The following PSMB3 variants were observed in gnomAD, a reference collection of about 807,000 sequenced individuals.
PSMB3 encodes proteasome subunit beta type-3.
Under a neutral mutation model 23.3 loss-of-function variants are expected in PSMB3, and 5 were observed. The ratio of observed to expected loss-of-function variants is 0.21; its 90% CI spans 0.11 to 0.45. PSMB3 has a LOEUF of 0.45. Ranked by LOEUF, PSMB3 falls within the 20% of genes least tolerant of loss-of-function variation. PSMB3 has a pLI of 0.99. For missense variants in PSMB3, 192 were observed against 277.9 expected (o/e 0.69, Z 2.20); for synonymous variants, 85 against 99.8 (o/e 0.85, Z 0.88).
At chr17:38,762,289 T>G in intron 4 of PSMB3, 122 bp from the exon 5 acceptor site, 1 of 779,208 alleles carries the variant, frequency 1.3e-6, no homozygotes, top group South Asian at 1.7e-5. Flanking sequence ...GAATCATCCC[T>G]TACTTCAGGC....
Position 38,760,623 on chromosome 17 carries a change from T to A in PSMB3, c.474+15T>A, listed in dbSNP as rs780681346. The stretch of plus-strand genomic sequence containing the variant: ...AGCCCAACATGGTACGTTGGTGGCA[T>A]GGAGAGGGGCTGGGCTCTGAGTTAC... On this transcript the variant is annotated intron_variant, in intron 4 of 5. Transcript: ENST00000619426. The A allele has an allele frequency of 6.2e-7, 1 of 1,614,092 alleles. No individual in the cohort carries two copies. The highest frequency in any genetic ancestry group is 1.1e-5 in the South Asian group (1 of 91,080).
intron 3 of PSMB3, among the ~76,000 whole-genome samples, chr17:38,756,353 T>G (rs1908193661): frequency 6.6e-6 from 1 of 152,166 alleles, no homozygotes; most frequent in Admixed American, 6.5e-5. Flanking sequence ...TTTTCGTCAG[T>G]TCTCCTTGAG....
intron 2 of PSMB3, among the ~76,000 whole-genome samples, chr17:38,754,060 G>A (rs1908053330): frequency 7.0e-6 from 1 of 142,792 alleles, no homozygotes; most frequent in Non-Finnish European, 1.5e-5. Flanking sequence ...GGAATACGTG[G>A]TCACAGGGGG....
intron 3 of PSMB3, among the ~76,000 whole-genome samples, chr17:38,758,798 G>A (rs1908316570): frequency 6.6e-6 from 1 of 152,344 alleles, no homozygotes; most frequent in East Asian, 1.9e-4. Flanking sequence ...TGTAATCCCA[G>A]CACTTTGGGA....
chr17:38,760,057 G>A (rs1323785836), intron 3 of PSMB3, among the ~76,000 whole-genome samples: 1 of 152,134 alleles, frequency 6.6e-6, no homozygotes, highest in African/African-American at 2.4e-5. Context: ...CATATAAACT[G>A]CCTCCAATCT....
chr17:38,760,422 C>T lies in PSMB3; in HGVS notation c.297-9C>T. The stretch of plus-strand genomic sequence containing the variant: ...TTCTGGTTTCTCTCTCTGATGCTGG[C>T]CCCCACAGGTTTGGCCCTTACTACA... On this transcript the variant is annotated splice_polypyrimidine_tract_variant and intron_variant, in intron 3 of 5. Coordinates refer to ENST00000619426, the MANE Select transcript of PSMB3 (RefSeq NM_002795.4). The T allele has an allele frequency of 1.2e-6, 2 of 1,612,536 alleles. No individual in the cohort carries two copies. The highest frequency in any genetic ancestry group is 1.1e-5 in the South Asian group (1 of 90,916).
At chr17:38,764,080 T>G (rs1908574464) in intron 5 of PSMB3, 39 bp from the exon 6 acceptor site, 1 of 1,613,342 alleles carries the variant, frequency 6.2e-7, no homozygotes, top group East Asian at 2.2e-5. Flanking sequence ...ACGGTCCAGA[T>G]GGGTAGAGAT....
intron 3 of PSMB3, among the ~76,000 whole-genome samples, chr17:38,758,784 C>T (rs992211415): frequency 2.0e-5 from 3 of 152,192 alleles, no homozygotes; most frequent in South Asian, 2.1e-4. Context: ...CATTGGCTCA[C>T]GCCTGTAATC....
chr17:38,758,976 G>A (rs2143236389), intron 3 of PSMB3, among the ~76,000 whole-genome samples: 2 of 152,272 alleles, frequency 1.3e-5, no homozygotes, highest in Admixed American at 1.3e-4. Context: ...AACCCAGGAG[G>A]CAGAGCTTGC....
At chr17:38,753,483 C>CTTTT in intron 2 of PSMB3, 149 bp downstream of exon 2, 1 of 637,016 alleles carries the variant, frequency 1.6e-6, no homozygotes, top group Non-Finnish European at 2.5e-6. Flanking sequence ...CCTTCCCTTT[C>CTTTT]TTTTTTTTTT....
chr17:38,752,901 G>A lies in PSMB3; in HGVS notation c.3+72G>A. 6.3e-7 allele frequency: 1 copy of A among 1,595,036 alleles called. No homozygotes were observed. The highest frequency in any genetic ancestry group is 8.6e-7 in the Non-Finnish European group (1 of 1,166,098). ...GCGGAGGGGGTCAGGAGAGGCTTGG[G>A]GACGAAAAGGGCCTAGGGTCGATGG... On this transcript the variant is annotated intron_variant, in intron 1 of 5. Transcript: ENST00000619426. The surrounding 1 kb of genome is among the most constrained non-coding windows in gnomAD (Gnocchi z 5.5).
chr17:38,755,715 T>TGC lies in PSMB3; in HGVS notation c.189-167_189-166dup, dbSNP rs58013738. On this transcript the variant is annotated intron_variant, in intron 2 of 5. Transcript: ENST00000619426. Reference sequence around the variant, plus strand: ...GTGTGTGTGTGTGTGTGTGTGTGTGTGCTGCCAAAGCAAGCACCAGTTGCT... The same window carrying TGC: ...GTGTGTGTGTGTGTGTGTGTGTGTGTGCGCTGCCAAAGCAAGCACCAGTTGCT... 7.4e-3 allele frequency among the ~76,000 whole-genome samples: 1,018 copies of TGC among 138,356 alleles called. 8 individuals carry two copies. Among genetic ancestry groups the TGC allele is most frequent in the African/African-American group, 0.013 (457 of 35,492 alleles). The allele number at this position is 138,356 out of a possible 152,430, so 90.8% of individuals were successfully genotyped here. A position where few individuals can be genotyped will look rare whatever the true frequency, so the allele number is the denominator to read the frequency against.
intron 3 of PSMB3, among the ~76,000 whole-genome samples, chr17:38,759,309 T>C (rs986975596): frequency 6.6e-6 from 1 of 152,200 alleles, no homozygotes. Context: ...CCTCTGGTGA[T>C]TGTGTGGCTG....
chr17:38,755,672 A>ATGTGTG (rs1296883337), intron 2 of PSMB3, among the ~76,000 whole-genome samples: 1,537 of 88,586 alleles, frequency 0.017, 20 homozygotes, highest in Non-Finnish European at 0.027. Context: ...ATATATATAT[A>ATGTGTG]TATATATATA....
chr17:38,762,319 G>T, intron 4 of PSMB3, 92 bp from the exon 5 acceptor site: 1 of 1,078,018 alleles, frequency 9.3e-7, no homozygotes, highest in South Asian at 1.4e-5. Flanking sequence ...GGCCAGAGCT[G>T]GGAATCTTGA....
chr17:38,762,498 C>T lies in PSMB3; in HGVS notation c.562C>T (p.His188Tyr). The change falls in exon 5 of 6, where the codon CAC becomes TAC. Residue 188 changes from histidine (H) to tyrosine (Y), a missense_variant. By Grantham distance (83) the His-to-Tyr change is moderately conservative. Transcript: ENST00000619426. ...DAVSGMGVIV[H>Y]IIEKDKITTR... ...AGTGTCAGGCATGGGAGTCATTGTC[C>T]ACATCATGTGAGTATGGGCTGGGAG... 6.2e-7 allele frequency: 1 copy of T among 1,613,698 alleles called. No individual in the cohort carries two copies. The highest frequency in any genetic ancestry group is 8.5e-7 in the Non-Finnish European group (1 of 1,179,608).
chr17:38,755,856 T>G (rs1392120524), intron 2 of PSMB3, 27 bp from the exon 3 acceptor site: 2 of 1,581,518 alleles, frequency 1.3e-6, no homozygotes, highest in Non-Finnish European at 1.7e-6. Flanking sequence ...AATAATGACT[T>G]ACTAACTCAC....
intron 2 of PSMB3, among the ~76,000 whole-genome samples, chr17:38,755,577 G>A (rs958750135): frequency 4.0e-5 from 6 of 150,960 alleles, no homozygotes; most frequent in Non-Finnish European, 7.4e-5. Flanking sequence ...CCCGGGTGGC[G>A]GAGCTTGCAG....
chr17:38,756,044 A>G (rs1785882304), intron 3 of PSMB3, 54 bp downstream of exon 3: 1 of 1,385,474 alleles, frequency 7.2e-7, no homozygotes, highest in Non-Finnish European at 1.0e-6. Context: ...TGAATGTAGT[A>G]TGGAGTAGGT....
Sources: gnomAD v4.1 joint callset for allele counts (sites outside exome capture counted in the v4.1 genomes callset) on GRCh38, gnomAD v4.1.1 for gene constraint, Gnocchi (gnomAD v3.1) non-coding constraint, MANE v1.5 for transcripts, NCBI Gene and HGNC (gene_info 2026-07-23, HGNC 2026-07-21) for gene names.